MPP7: variants seen among roughly 807,000 people sequenced by gnomAD.
The protein encoded by MPP7 is MAGUK p55 scaffold protein 7.
MPP7 carries 60 observed loss-of-function variants against 76.5 expected under a neutral mutation model. The observed-to-expected ratio is 0.78, with a 90% CI of 0.64 to 0.97. MPP7 has a LOEUF of 0.97. MPP7 is among the 50% of genes least tolerant of loss of function. The pLI is 0.00. For synonymous variants in MPP7, 237 were observed against 244.5 expected, an observed-to-expected ratio of 0.97 and a Z score of 0.29; for missense variants, 641 against 694.0, an observed-to-expected ratio of 0.92 and a Z score of 0.86.
At chr10:28,289,579 G>A (rs1365755954) in intron 1 of MPP7, among the ~76,000 whole-genome samples, 2 of 152,172 alleles carry the variant, frequency 1.3e-5, no homozygotes, top group East Asian at 3.8e-4. Context: ...GTGTGGCCAA[G>A]AGCTCACAAA....
At chr10:28,291,515 G>A (rs932223921) in intron 1 of MPP7, among the ~76,000 whole-genome samples, 6 of 152,160 alleles carry the variant, frequency 3.9e-5, no homozygotes, top group African/African-American at 1.4e-4. Flanking sequence ...TGAGGCACGA[G>A]AATCCCTTGA....
At chr10:28,126,994 A>G (rs1397154992) in intron 6 of MPP7, among the ~76,000 whole-genome samples, 2 of 152,082 alleles carry the variant, frequency 1.3e-5, no homozygotes, top group Admixed American at 6.6e-5. Flanking sequence ...TCCAGCCACC[A>G]CCATCTGACT....
intron 1 of MPP7, among the ~76,000 whole-genome samples, chr10:28,260,189 A>G (rs538804005): frequency 2.8e-4 from 42 of 152,314 alleles, no homozygotes; most frequent in African/African-American, 9.6e-4. Context: ...ATTTGAGTCC[A>G]TCCCTCTTTC....
chr10:28,211,718 T>C (rs1028132892), intron 2 of MPP7, among the ~76,000 whole-genome samples: 1 of 152,072 alleles, frequency 6.6e-6, no homozygotes. Flanking sequence ...TTTAAGAGTA[T>C]ATAAACCACC....
chr10:28,096,013 C>T (rs1204880871), intron 11 of MPP7, among the ~76,000 whole-genome samples: 1 of 152,068 alleles, frequency 6.6e-6, no homozygotes, highest in Admixed American at 6.5e-5. Context: ...TCACAGACAC[C>T]GCTTATCTAA....
At chr10:28,177,439 CT>C (rs34136124) in intron 3 of MPP7, among the ~76,000 whole-genome samples, 44,221 of 151,280 alleles carry the variant, frequency 0.29, 7,748 homozygotes, top group East Asian at 0.48. Context: ...TACTGATTCA[CT>C]TTTGGAGGGT....
At chr10:28,190,780 A>G (rs894209923) in intron 3 of MPP7, among the ~76,000 whole-genome samples, 4 of 152,096 alleles carry the variant, frequency 2.6e-5, no homozygotes, top group Non-Finnish European at 2.9e-5. Context: ...AGAAGAAAAG[A>G]AATCAGACAA....
chr10:28,299,766 C>CTTTT (rs59047415), intron 1 of MPP7, among the ~76,000 whole-genome samples: 1 of 132,750 alleles, frequency 7.5e-6, no homozygotes, highest in African/African-American at 2.9e-5. Flanking sequence ...AAATTCAAGA[C>CTTTT]TTTTTTTTTT....
At chr10:28,067,581 A>C (rs1161779653) in intron 13 of MPP7, among the ~76,000 whole-genome samples, 1 of 152,184 alleles carries the variant, frequency 6.6e-6, no homozygotes, top group Non-Finnish European at 1.5e-5. Context: ...TTCTTTGGAG[A>C]GTCCCAGTCC....
chr10:28,271,508 C>A (rs1267334695), intron 1 of MPP7, among the ~76,000 whole-genome samples: 9 of 152,138 alleles, frequency 5.9e-5, no homozygotes, highest in Admixed American at 3.3e-4. Context: ...AACTGCAGAT[C>A]CTTCAGGCAC....
intron 5 of MPP7, among the ~76,000 whole-genome samples, chr10:28,132,221 T>C (rs1190309471): frequency 6.6e-6 from 1 of 152,198 alleles, no homozygotes; most frequent in African/African-American, 2.4e-5. Flanking sequence ...TGGTGACTAC[T>C]ATGTGTATAA....
At chr10:28,223,880 T>C (rs978770845) in intron 2 of MPP7, among the ~76,000 whole-genome samples, 1 of 150,474 alleles carries the variant, frequency 6.6e-6, no homozygotes, top group East Asian at 1.9e-4. Flanking sequence ...TTATCTTGGA[T>C]GCCATAAACG....
At chr10:28,158,620 G>A (rs534480640) in intron 3 of MPP7, among the ~76,000 whole-genome samples, 2 of 152,268 alleles carry the variant, frequency 1.3e-5, no homozygotes, top group African/African-American at 4.8e-5. Flanking sequence ...CAGGATGGCA[G>A]AACAGAGAGA....
chr10:28,195,496 A>G (rs977953714), intron 3 of MPP7, among the ~76,000 whole-genome samples: 2 of 152,216 alleles, frequency 1.3e-5, no homozygotes, highest in East Asian at 1.9e-4. Context: ...CCAAATGTCC[A>G]TCCATGGATG....
At chr10:28,060,671 G>C (rs1017922246) in intron 13 of MPP7, among the ~76,000 whole-genome samples, 1 of 152,194 alleles carries the variant, frequency 6.6e-6, no homozygotes, top group Non-Finnish European at 1.5e-5. Flanking sequence ...CAAAGAACTT[G>C]GGACGGGGGG....
chr10:28,108,086 A>C (rs926896382), intron 11 of MPP7, among the ~76,000 whole-genome samples: 1 of 152,216 alleles, frequency 6.6e-6, no homozygotes, highest in South Asian at 2.1e-4. Flanking sequence ...CAATTGTAAA[A>C]GACACAGTAC....
chr10:28,163,264 C>G (rs774562017), intron 3 of MPP7, among the ~76,000 whole-genome samples: 8 of 152,154 alleles, frequency 5.3e-5, no homozygotes, highest in Non-Finnish European at 5.9e-5. Context: ...AGATCCAGAG[C>G]CTTTCCCAAC....
intron 1 of MPP7, among the ~76,000 whole-genome samples, chr10:28,256,853 C>T (rs1229710658): frequency 6.6e-6 from 1 of 152,128 alleles, no homozygotes; most frequent in Admixed American, 6.5e-5. Flanking sequence ...CTATAAATTC[C>T]TTAAGAACCA....
chr10:28,070,330 C>T (rs1010273507), intron 12 of MPP7, among the ~76,000 whole-genome samples: 10 of 152,204 alleles, frequency 6.6e-5, no homozygotes, highest in South Asian at 4.2e-4. Context: ...ACCCGGGAGG[C>T]GGAGCTTGCA....
Sources: gnomAD v4.1 joint callset for allele counts (sites outside exome capture counted in the v4.1 genomes callset) on GRCh38, gnomAD v4.1.1 for gene constraint, MANE v1.5 for transcripts, NCBI Gene and HGNC (gene_info 2026-07-23, HGNC 2026-07-21) for gene names.